ARHGAP6: variants seen among roughly 807,000 people sequenced by gnomAD.
ARHGAP6 encodes rho GTPase-activating protein 6.
In ARHGAP6, 16 loss-of-function variants were observed where a neutral mutation model predicts 55.7. The ratio of observed to expected loss-of-function variants is 0.29; its 90% CI spans 0.19 to 0.44. ARHGAP6 has a LOEUF of 0.44. ARHGAP6 is among the 20% of genes least tolerant of loss of function. The probability of loss-of-function intolerance (pLI) is 1.00; values close to 1 mark genes in which losing one functional copy is unlikely to be tolerated. For missense variants in ARHGAP6, 698 were observed against 808.9 expected (o/e 0.86, Z 1.66); for synonymous variants, 382 against 360.9 (o/e 1.06, Z -0.66).
At chrX:11,167,985 C>T (rs1325697855) in intron 9 of ARHGAP6, among the ~76,000 whole-genome samples, 1 of 112,085 alleles carries the variant, frequency 8.9e-6, no homozygotes, top group Non-Finnish European at 1.9e-5. Context: ...CATTCTACCT[C>T]AGTGAACTTT....
At chrX:11,299,722 A>G (rs193109828) in intron 1 of ARHGAP6, among the ~76,000 whole-genome samples, 2 of 111,923 alleles carry the variant, frequency 1.8e-5, no homozygotes, top group African/African-American at 6.5e-5. Flanking sequence ...ATCCAACTGT[A>G]ATTCCAATTT....
chrX:11,474,110 A>G lies in ARHGAP6; in HGVS notation c.588+190131T>C, dbSNP rs771685014. ...CCTGAGGGAGCCTCAGTAAAGGTTG[A>G]TTGAGCCTTTGCATGTTCTGATTAC... On this transcript the variant is annotated intron_variant, in intron 1 of 12. Transcript: ENST00000337414. 2.7e-5 allele frequency among the ~76,000 whole-genome samples: 3 copies of G among 110,940 alleles called. No homozygotes were observed. The South Asian group carries it at 1.1e-3, about 42-fold the overall frequency.
At chrX:11,388,101 A>T (rs1170027707) in intron 1 of ARHGAP6, among the ~76,000 whole-genome samples, 2 of 111,683 alleles carry the variant, frequency 1.8e-5, no homozygotes, top group East Asian at 2.8e-4. Flanking sequence ...ATGGTATTTC[A>T]AGTTCTAGAT....
intron 1 of ARHGAP6, among the ~76,000 whole-genome samples, chrX:11,398,764 G>A (rs2049511808): frequency 9.0e-6 from 1 of 111,200 alleles, no homozygotes; most frequent in Non-Finnish European, 1.9e-5. Flanking sequence ...TGTCATTTAG[G>A]AATTCTAAAT....
At chrX:11,544,852 C>T (rs1027861109) in intron 1 of ARHGAP6, among the ~76,000 whole-genome samples, 8 of 112,493 alleles carry the variant, frequency 7.1e-5, no homozygotes, top group Non-Finnish European at 1.5e-4. Flanking sequence ...ACTTACATAA[C>T]GCAAGTCTTC....
chrX:11,298,051 C>A, intron 1 of ARHGAP6: 1 of 1,130,026 alleles, frequency 8.8e-7, no homozygotes, highest in Non-Finnish European at 1.2e-6. Context: ...AACACAGTGC[C>A]TGTCACACAG....
intron 9 of ARHGAP6, among the ~76,000 whole-genome samples, chrX:11,160,456 C>CAAAA (rs558867795): frequency 6.6e-5 from 5 of 75,511 alleles, no homozygotes; most frequent in South Asian, 6.3e-4. Flanking sequence ...GACTCTGTCT[C>CAAAA]AAAAAAAAAA....
intron 1 of ARHGAP6, among the ~76,000 whole-genome samples, chrX:11,524,290 G>A (rs61112293): frequency 0.099 from 10,975 of 110,729 alleles, 675 homozygotes; most frequent in African/African-American, 0.21. Flanking sequence ...TGTTATTGCC[G>A]GATTTTACCC....
chrX:11,511,090 C>T (rs998581755), intron 1 of ARHGAP6, among the ~76,000 whole-genome samples: 3 of 111,385 alleles, frequency 2.7e-5, no homozygotes, highest in Non-Finnish European at 3.8e-5. Flanking sequence ...TACAATAGAG[C>T]GGCAAATAAT....
intron 1 of ARHGAP6, among the ~76,000 whole-genome samples, chrX:11,588,813 G>C (rs1320270798): frequency 1.8e-5 from 2 of 111,603 alleles, no homozygotes; most frequent in African/African-American, 3.3e-5. Flanking sequence ...ATTTCCTTTT[G>C]AGATGATGAA....
chrX:11,654,117 T>G (rs1003190823), intron 1 of ARHGAP6, among the ~76,000 whole-genome samples: 3 of 111,713 alleles, frequency 2.7e-5, no homozygotes, highest in Non-Finnish European at 5.7e-5. Context: ...TTACTAGCTA[T>G]ATCAAAGCCC....
At chrX:11,445,111 T>C (rs2050080018) in intron 1 of ARHGAP6, among the ~76,000 whole-genome samples, 1 of 112,577 alleles carries the variant, frequency 8.9e-6, no homozygotes. Flanking sequence ...TTAGAATTTA[T>C]TTTTATTGAG....
chrX:11,291,208 G>A (rs2047986079), intron 1 of ARHGAP6, among the ~76,000 whole-genome samples: 1 of 112,137 alleles, frequency 8.9e-6, no homozygotes, highest in Non-Finnish European at 1.9e-5. Context: ...CTAAATTAGT[G>A]GAAGAGATTT....
chrX:11,567,566 A>ATAT (rs1556078451), intron 1 of ARHGAP6, among the ~76,000 whole-genome samples: 1 of 84,403 alleles, frequency 1.2e-5, no homozygotes, highest in African/African-American at 4.7e-5. Context: ...AAAAAAAAAA[A>ATAT]ATATATATAT....
Position 11,664,337 on chromosome X carries a change from A to T in ARHGAP6, c.492T>A (p.Asn164Lys). 1.6e-6 allele frequency: 2 copies of T among 1,212,127 alleles called. No homozygotes were observed. The highest frequency in any genetic ancestry group is 2.2e-6 in the Non-Finnish European group (2 of 895,567). ...SILCSSGGGP[N>K]GIFASPRRWL... ...ACCTCCTAGGAGAAGCGAAGATGCC[A>T]TTGGGGCCTCCCCCGGATGAACAGA... Residue 164 changes from asparagine to lysine, a missense_variant, in exon 1 of 13, where the codon AAT (asparagine) becomes AAA (lysine). This residue lies in a region of ARHGAP6 where 164 missense variants were observed against 149.2 expected (regional missense o/e 1.10). Transcript: ENST00000337414.
At chrX:11,215,904 G>A (rs1328897475) in intron 2 of ARHGAP6, among the ~76,000 whole-genome samples, 1 of 111,875 alleles carries the variant, frequency 8.9e-6, no homozygotes, top group Non-Finnish European at 1.9e-5. Context: ...TTCAAAGCAG[G>A]CTCAAGAGCC....
chrX:11,270,970 G>A (rs983485243), intron 1 of ARHGAP6, among the ~76,000 whole-genome samples: 3 of 111,524 alleles, frequency 2.7e-5, no homozygotes, highest in Admixed American at 9.5e-5. Context: ...TCTGTATATC[G>A]CTGGTTCTAC....
chrX:11,341,816 C>T (rs996800711), intron 1 of ARHGAP6, among the ~76,000 whole-genome samples: 5 of 111,614 alleles, frequency 4.5e-5, no homozygotes, highest in African/African-American at 1.6e-4. Context: ...ATCGTATATT[C>T]ACCCAACAGA....
chrX:11,507,859 C>G (rs189059563), intron 1 of ARHGAP6, among the ~76,000 whole-genome samples: 2 of 112,199 alleles, frequency 1.8e-5, no homozygotes, highest in African/African-American at 6.5e-5. Context: ...CCAGCAGCCT[C>G]AGAGAGACTT....
Sources: allele counts gnomAD v4.1 joint callset (sites outside exome capture counted in the v4.1 genomes callset), GRCh38; gene constraint gnomAD v4.1.1; regional missense constraint gnomAD v4.1.1; transcripts MANE v1.5; gene names NCBI Gene and HGNC (gene_info 2026-07-23, HGNC 2026-07-21).